DNAI3: variants seen among roughly 807,000 people sequenced by gnomAD.
The protein encoded by DNAI3 is dynein axonemal intermediate chain 3, also known as WD repeat domain 63.
In DNAI3, 83 loss-of-function variants were observed where a neutral mutation model predicts 115.5. The observed-to-expected ratio is 0.72, with a 90% CI of 0.60 to 0.86. DNAI3 has a LOEUF of 0.86. Ranked by LOEUF, DNAI3 falls within the 40% of genes least tolerant of loss-of-function variation. DNAI3 has a pLI of 0.00. For synonymous variants in DNAI3, 320 were observed against 347.0 expected (o/e 0.92, Z 0.86); for missense variants, 1,004 against 1,075.8 (o/e 0.93, Z 0.93).
chr1:85,069,893 G>A (rs1654214504), intron 1 of DNAI3, among the ~76,000 whole-genome samples: 1 of 152,168 alleles, frequency 6.6e-6, no homozygotes, highest in Admixed American at 6.5e-5. Context: ...CTAAAGAGTT[G>A]AGTCAGATCC....
intron 11 of DNAI3, 45 bp from the exon 12 acceptor site, chr1:85,097,524 A>C (rs780894037): frequency 1.5e-5 from 23 of 1,533,560 alleles, no homozygotes; most frequent in Non-Finnish European, 2.6e-6. Flanking sequence ...AGACTCAATT[A>C]GATATTTTCT....
chr1:85,106,086 G>A (rs1557720028), intron 14 of DNAI3, among the ~76,000 whole-genome samples: 1 of 151,954 alleles, frequency 6.6e-6, no homozygotes, highest in African/African-American at 2.4e-5. Context: ...GTTTCAGTGA[G>A]CCGAGATCAT....
chr1:85,089,477 A>G (rs1320685831), intron 7 of DNAI3, among the ~76,000 whole-genome samples: 1 of 147,040 alleles, frequency 6.8e-6, no homozygotes, highest in Non-Finnish European at 1.5e-5. Flanking sequence ...AGAGCATACT[A>G]GATGGAGCAA....
chr1:85,073,420 A>G (rs1373277725), intron 3 of DNAI3, among the ~76,000 whole-genome samples: 1 of 152,220 alleles, frequency 6.6e-6, no homozygotes, highest in Admixed American at 6.5e-5. Context: ...TTTTGCTCAT[A>G]GGTAATATTT....
intron 20 of DNAI3, among the ~76,000 whole-genome samples, chr1:85,127,050 G>A (rs755847757): frequency 5.9e-5 from 9 of 152,016 alleles, no homozygotes; most frequent in African/African-American, 9.7e-5. Context: ...TCTCTTCTCC[G>A]GGTCAGACAG....
At chr1:85,079,375 TAC>T (rs1384441220) in intron 3 of DNAI3, among the ~76,000 whole-genome samples, 2 of 152,240 alleles carry the variant, frequency 1.3e-5, no homozygotes, top group African/African-American at 2.4e-5. Flanking sequence ...GTGTTATGCA[TAC>T]AGTTATTTAA....
intron 12 of DNAI3, 37 bp downstream of exon 12, chr1:85,097,692 C>G (rs1356750144): frequency 6.4e-7 from 1 of 1,569,558 alleles, no homozygotes; most frequent in Non-Finnish European, 8.7e-7. Context: ...CAAGTTTTTT[C>G]CATTGAAGAG....
At chr1:85,104,120 CTTT>C (rs1203756791) in intron 13 of DNAI3, among the ~76,000 whole-genome samples, 207 of 133,502 alleles carry the variant, frequency 1.6e-3, no homozygotes, top group Admixed American at 2.7e-3. Flanking sequence ...GTGGTATGTC[CTTT>C]TTTTTTTTTT....
At chr1:85,088,516 T>C (rs1654864255) in intron 7 of DNAI3, among the ~76,000 whole-genome samples, 1 of 152,018 alleles carries the variant, frequency 6.6e-6, no homozygotes, top group Non-Finnish European at 1.5e-5. Context: ...AAATCAAAGA[T>C]GAAGTTCAAA....
intron 7 of DNAI3, among the ~76,000 whole-genome samples, chr1:85,089,636 A>G (rs1237660180): frequency 1.3e-5 from 2 of 151,890 alleles, no homozygotes; most frequent in Admixed American, 6.6e-5. Flanking sequence ...GGTTTTTAAC[A>G]GCATCCCTGG....
At chr1:85,098,400 A>T (rs537702351) in intron 12 of DNAI3, 130 bp from the exon 13 acceptor site, 2 of 1,094,988 alleles carry the variant, frequency 1.8e-6, no homozygotes, top group Non-Finnish European at 2.6e-6. Context: ...ATAGAGAAAC[A>T]CTAATTTATG....
Position 85,117,739 on chromosome 1 carries a change from A to G in DNAI3, c.1797A>G (p.Leu599=). 1 of 1,613,584 alleles carries G rather than the reference A, an allele frequency of 6.2e-7. No individual in the cohort carries two copies. The highest frequency in any genetic ancestry group is 8.5e-7 in the Non-Finnish European group (1 of 1,179,568). The change falls in exon 17 of 23, where the codon TTA becomes TTG. Residue 599 remains leucine (L), a synonymous_variant. Coordinates refer to ENST00000294664, the MANE Select transcript of DNAI3 (RefSeq NM_145172.5). Reference sequence around the variant, plus strand: ...ACACTCCTCTGAAAGACAAAATGTTAGCACAGAGCAAAACAGAGAAGGCAG... The same window carrying G: ...ACACTCCTCTGAAAGACAAAATGTTGGCACAGAGCAAAACAGAGAAGGCAG... ...HLLCKTQDKM[L]AQSKTEKAEE... is the part of the protein sequence containing the mutation.
intron 9 of DNAI3, chr1:85,094,189 C>T (rs1655062012): frequency 1.9e-6 from 1 of 533,284 alleles, no homozygotes; most frequent in East Asian, 3.3e-5. Flanking sequence ...CCAAAATCTT[C>T]TGAGTCCCCT....
At chr1:85,118,205 A>G (rs1471739737) in intron 17 of DNAI3, among the ~76,000 whole-genome samples, 1 of 152,348 alleles carries the variant, frequency 6.6e-6, no homozygotes, top group South Asian at 2.1e-4. Context: ...GGCTAACACA[A>G]TCTAGTAGAA....
intron 8 of DNAI3, among the ~76,000 whole-genome samples, chr1:85,092,051 G>C (rs536880749): frequency 6.6e-6 from 1 of 152,120 alleles, no homozygotes; most frequent in Non-Finnish European, 1.5e-5. Context: ...TCGAGAGTCC[G>C]CTACACAGGG....
chr1:85,126,846 CT>C, intron 20 of DNAI3, 131 bp downstream of exon 20: 1 of 807,688 alleles, frequency 1.2e-6, no homozygotes, highest in Non-Finnish European at 2.0e-6. Context: ...CTTCTTATCC[CT>C]TCCCTTCTCT....
chr1:85,110,768 A>G (rs1347838021), intron 16 of DNAI3, among the ~76,000 whole-genome samples: 1 of 152,220 alleles, frequency 6.6e-6, no homozygotes, highest in African/African-American at 2.4e-5. Flanking sequence ...TCAAAGAATA[A>G]TGCTATAGGA....
rs568437519 is a variant in DNAI3, at chr1:85,069,052, C to T, written c.-14-2876C>T. 5.3e-5 allele frequency among the ~76,000 whole-genome samples: 8 copies of T among 152,296 alleles called. No individual in the cohort carries two copies. In the East Asian group the frequency reaches 1.2e-3, roughly 22 times the overall value. ...ATGAGAAGAAATAAATGTTTGTTAC[C>T]GTATGTCACTGAGATGTAGGGGTCA... On this transcript the variant is annotated intron_variant, in intron 1 of 22. Transcript: ENST00000294664.
chr1:85,113,848 C>T (rs1273720334), intron 16 of DNAI3, among the ~76,000 whole-genome samples: 3 of 151,934 alleles, frequency 2.0e-5, no homozygotes, highest in African/African-American at 4.8e-5. Context: ...TTATTTAGGT[C>T]GTTAATTTCT....
Sources: allele counts gnomAD v4.1 joint callset (sites outside exome capture counted in the v4.1 genomes callset), GRCh38; gene constraint gnomAD v4.1.1; transcripts MANE v1.5; gene names NCBI Gene and HGNC (gene_info 2026-07-23, HGNC 2026-07-21).